Variants in SLC7A2 observed in about 807,000 individuals in gnomAD.
SLC7A2 encodes cationic amino acid transporter 2.
Under a neutral mutation model 58.9 loss-of-function variants are expected in SLC7A2, and 48 were observed. The observed-to-expected ratio is 0.82, with a 90% CI of 0.65 to 1.04. The LOEUF (loss-of-function observed/expected upper bound fraction) is 1.04. Among genes scored for constraint, SLC7A2 ranks in the 50% least tolerant of loss-of-function variants. SLC7A2 has a pLI of 0.00. For missense variants in SLC7A2, 1,029 were observed against 818.8 expected (o/e 1.26, Z -3.13); for synonymous variants, 363 against 314.5 (o/e 1.15, Z -1.63).
intron 1 of SLC7A2, among the ~76,000 whole-genome samples, chr8:17,497,769 G>A (rs756903489): frequency 6.6e-6 from 1 of 152,194 alleles, no homozygotes; most frequent in Admixed American, 6.5e-5. Flanking sequence ...TTCTGCAGGG[G>A]ACCTGGTAAA....
chr8:17,553,171 G>T (rs972151186), intron 7 of SLC7A2, among the ~76,000 whole-genome samples: 2 of 152,102 alleles, frequency 1.3e-5, no homozygotes, highest in African/African-American at 4.8e-5. Flanking sequence ...CCCCAGTTCA[G>T]CCTCCTGAGT....
intron 8 of SLC7A2, 63 bp downstream of exon 8, chr8:17,554,762 A>G (rs760929344): frequency 7.9e-5 from 119 of 1,511,248 alleles, no homozygotes; most frequent in Non-Finnish European, 1.0e-4. Flanking sequence ...CTCTGCATTA[A>G]AAATACAAAG....
intron 4 of SLC7A2, among the ~76,000 whole-genome samples, chr8:17,547,453 A>G (rs1269609287): frequency 1.3e-5 from 2 of 152,308 alleles, no homozygotes; most frequent in Non-Finnish European, 2.9e-5. Context: ...ACACAGCCAA[A>G]TCATATAATC....
intron 3 of SLC7A2, 103 bp from the exon 4 acceptor site, chr8:17,544,348 T>C: frequency 1.0e-6 from 1 of 965,042 alleles, no homozygotes; most frequent in Non-Finnish European, 1.6e-6. Context: ...GATTAAAATT[T>C]TCAATCTTTT....
intron 10 of SLC7A2, among the ~76,000 whole-genome samples, chr8:17,561,048 T>C (rs1307262395): frequency 6.6e-6 from 1 of 152,134 alleles, no homozygotes; most frequent in Non-Finnish European, 1.5e-5. Context: ...GGATAATTGG[T>C]GGCAAGTAGG....
intron 2 of SLC7A2, among the ~76,000 whole-genome samples, chr8:17,532,355 A>G (rs565050627): frequency 3.3e-4 from 50 of 149,628 alleles, no homozygotes; most frequent in African/African-American, 9.6e-4. Flanking sequence ...CCCCAATCCC[A>G]GTGTGAGCAT....
chr8:17,538,636 A>G (rs1038081059), intron 2 of SLC7A2: 3 of 573,312 alleles, frequency 5.2e-6, no homozygotes, highest in Admixed American at 3.7e-5. Flanking sequence ...CCCACGTTAT[A>G]ATTTGAAAAT....
At position 17,544,569 on chromosome 8, in the gene SLC7A2, C is replaced by G. The variant is rs369650180; in HGVS notation, c.495C>G (p.Pro165=). 2 of 1,613,762 alleles carry G rather than the reference C, an allele frequency of 1.2e-6. No individual in the cohort carries two copies. Among genetic ancestry groups the G allele is most frequent in the East Asian group, 2.2e-5 (1 of 44,860 alleles). Residue 165 remains proline, a synonymous_variant, in exon 4 of 13, where the codon CCC becomes CCG. Coordinates refer to ENST00000494857, the MANE Select transcript of SLC7A2 (RefSeq NM_001370338.1). ...RMNYTGLAEY[P]DFFAVCLILL... ...ATTACACTGGTCTTGCAGAATATCCCGATTTTTTTGCTGTGTGCCTTATAT... is the reference window on the plus strand; with the variant it reads ...ATTACACTGGTCTTGCAGAATATCCGGATTTTTTTGCTGTGTGCCTTATAT...
At position 17,568,168 on chromosome 8, in the gene SLC7A2, C is replaced by CT. The variant is rs1227559649; in HGVS notation, c.*3026dup. 1 of 151,900 alleles carries CT rather than the reference C, an allele frequency of 6.6e-6. No homozygotes were observed. Among genetic ancestry groups the CT allele is most frequent in the African/African-American group, 2.4e-5 (1 of 41,362 alleles). The allele number at this position is 151,900 out of a possible 1,614,324, so 9.4% of individuals were successfully genotyped here. Reference sequence around the variant, plus strand: ...AGTAAAAGCAGCTTAAATTACTTTTCTTTTCTACATTAAGAAATATATTCT... The same window carrying CT: ...AGTAAAAGCAGCTTAAATTACTTTTCTTTTTCTACATTAAGAAATATATTCT... On this transcript the variant is annotated 3_prime_UTR_variant, in exon 13 of 13. Transcript: ENST00000494857.
chr8:17,524,798 AT>A lies in SLC7A2; in HGVS notation c.-22-18508del, dbSNP rs372924751. 1.9e-3 allele frequency among the ~76,000 whole-genome samples: 280 copies of A among 145,912 alleles called. 1 individual carries two copies. The highest frequency in any genetic ancestry group is 7.8e-3 in the East Asian group (39 of 5,016). On this transcript the variant is annotated intron_variant, in intron 2 of 12. Coordinates refer to ENST00000494857, the MANE Select transcript of SLC7A2 (RefSeq NM_001370338.1). ...GTTGTGACTTCCGCATCTAATCCTG[AT>A]TTTTTTTTTTTAGCTTGTTTGTAGC...
intron 2 of SLC7A2, among the ~76,000 whole-genome samples, chr8:17,510,441 T>A (rs1423029185): frequency 6.6e-6 from 1 of 152,166 alleles, no homozygotes; most frequent in East Asian, 1.9e-4. Context: ...TAATTTACAT[T>A]CCCACCAACA....
intron 2 of SLC7A2, among the ~76,000 whole-genome samples, chr8:17,538,507 A>G (rs763184230): frequency 7.2e-5 from 11 of 152,248 alleles, no homozygotes; most frequent in Non-Finnish European, 1.2e-4. Flanking sequence ...TTTATCCTAC[A>G]TTATACTTTT....
chr8:17,537,277 A>G (rs1801710415), intron 2 of SLC7A2, among the ~76,000 whole-genome samples: 1 of 151,930 alleles, frequency 6.6e-6, no homozygotes, highest in African/African-American at 2.4e-5. Context: ...GGCTGGTCTC[A>G]AAACTCCTGA....
rs75329667 is a variant in SLC7A2, at chr8:17,526,055, G to T, written c.-22-17263G>T. Among the ~76,000 whole-genome samples, 402 of 152,220 alleles carry T rather than the reference G, an allele frequency of 2.6e-3. 3 individuals carry two copies. Among genetic ancestry groups the T allele is most frequent in the African/African-American group, 8.9e-3 (371 of 41,530 alleles). ...AAAAGCAGATTTCTAAATACCCAGA[G>T]AAAATATGAAGATAATTCTATGGAC... On this transcript the variant is annotated intron_variant, in intron 2 of 12. Coordinates refer to ENST00000494857, the MANE Select transcript of SLC7A2 (RefSeq NM_001370338.1).
intron 9 of SLC7A2, 37 bp from the exon 10 acceptor site, chr8:17,560,291 T>C: frequency 6.5e-7 from 1 of 1,544,874 alleles, no homozygotes; most frequent in Non-Finnish European, 8.9e-7. Context: ...CAAATGTCTA[T>C]TTGAGAATAA....
chr8:17,530,409 G>A (rs1353269826), intron 2 of SLC7A2, among the ~76,000 whole-genome samples: 1 of 152,090 alleles, frequency 6.6e-6, no homozygotes, highest in African/African-American at 2.4e-5. Context: ...TGTGCTAAGG[G>A]TAGTAGGAGG....
In SLC7A2 at chr8:17,568,812, A is replaced by T. The variant is rs1803384157; in HGVS notation, c.*3666A>T. The T allele has an allele frequency of 6.6e-6, 1 of 151,682 alleles. No individual in the cohort carries two copies. Among genetic ancestry groups the T allele is most frequent in the Non-Finnish European group, 1.5e-5 (1 of 68,032 alleles). The allele number at this position is 151,682 out of a possible 1,614,324, so 9.4% of individuals were successfully genotyped here. A position where few individuals can be genotyped will look rare whatever the true frequency, so the allele number is the denominator to read the frequency against. On this transcript the variant is annotated 3_prime_UTR_variant, in exon 13 of 13. Transcript: ENST00000494857. ...GACCCTGTCTCTACAAAAAAAACAA[A>T]AATTAGCTGGGCATGGTGGCATGCA...
In SLC7A2 at chr8:17,543,525, A is replaced by G. The variant is rs1802015723; in HGVS notation, c.186A>G (p.Ala62=). 2 of 1,613,548 alleles carry G rather than the reference A, an allele frequency of 1.2e-6. No homozygotes were observed. The highest frequency in any genetic ancestry group is 1.7e-6 in the Non-Finnish European group (2 of 1,179,768). Residue 62 remains alanine, a synonymous_variant, in exon 3 of 13, where the codon GCA becomes GCG. Coordinates refer to ENST00000494857, the MANE Select transcript of SLC7A2 (RefSeq NM_001370338.1). The stretch of plus-strand genomic sequence containing the variant: ...TCCTCGCTGGGGAGGTGGCCAAGGC[A>G]GACTCGGGCCCCAGCATCGTGGTGT... ...VYVLAGEVAK[A]DSGPSIVVSF...
chr8:17,519,101 C>T (rs572997281), intron 2 of SLC7A2, among the ~76,000 whole-genome samples: 2 of 152,124 alleles, frequency 1.3e-5, no homozygotes, highest in Admixed American at 1.3e-4. Flanking sequence ...CATTGCAGGT[C>T]AGAACTTCAT....
Sources: allele counts gnomAD v4.1 joint callset (sites outside exome capture counted in the v4.1 genomes callset), GRCh38; gene constraint gnomAD v4.1.1; transcripts MANE v1.5; gene names NCBI Gene and HGNC (gene_info 2026-07-23, HGNC 2026-07-21).